Variants in RDH12 observed in about 807,000 individuals in gnomAD.
The protein encoded by RDH12 is retinol dehydrogenase 12.
A neutral mutation model predicts 34.0 loss-of-function variants in RDH12; 21 were observed. That is an observed-to-expected ratio of 0.62 (90% confidence interval 0.44 to 0.89). RDH12 has a LOEUF of 0.89. Ranked by LOEUF, RDH12 falls within the 40% of genes least tolerant of loss-of-function variation. The pLI is 0.00. For synonymous variants in RDH12, 198 were observed against 169.9 expected (o/e 1.17, Z -1.29); for missense variants, 394 against 398.6 (o/e 0.99, Z 0.10).
At chr14:67,724,375 CTTT>C in intron 3 of RDH12, 95 bp from the exon 4 acceptor site, 1 of 925,706 alleles carries the variant, frequency 1.1e-6, no homozygotes, top group Middle Eastern at 2.2e-4. Context: ...AGATACCCTT[CTTT>C]GAGGCTGGAT....
intron 1 of RDH12, among the ~76,000 whole-genome samples, chr14:67,713,056 T>C (rs2038027758): frequency 6.6e-6 from 1 of 151,938 alleles, no homozygotes; most frequent in Non-Finnish European, 1.5e-5. Context: ...GGAAAAAGAC[T>C]GAAACAACAA....
chr14:67,729,352 C>G lies in RDH12; in HGVS notation c.820C>G (p.Leu274Val). The G allele has an allele frequency of 1.9e-6, 3 of 1,598,168 alleles. No homozygotes were observed. Among genetic ancestry groups the G allele is most frequent in the Non-Finnish European group, 2.5e-6 (3 of 1,179,804 alleles). The change falls in exon 8 of 9, where the codon CTG becomes GTG. Residue 274 changes from leucine (L) to valine (V), a missense_variant. Transcript: ENST00000551171. ...CCTGCACTGCGCCCTGGCTGAGGGC[C>G]TGGAGCCCCTGAGTGGCAAGTACTT... Reference protein sequence around the residue: ...TSLHCALAEGLEPLSGKYFSD... With the variant: ...TSLHCALAEGVEPLSGKYFSD...
rs146653515 is a variant in RDH12 at position 67,727,166 on chromosome 14, C to G, written c.634C>G (p.Arg212Gly). Residue 212 changes from arginine (R) to glycine (G), a missense_variant, in exon 7 of 9, where the codon CGT becomes GGT. Arg to Gly is a moderately radical substitution (Grantham distance 125). Coordinates refer to ENST00000551171, the MANE Select transcript of RDH12 (RefSeq NM_152443.3). ...CAAGCTGGCCAATGTGCTTTTTACT[C>G]GTGAGCTGGCCAAGAGGCTCCAAGG... ...HSKLANVLFT[R>G]ELAKRLQGTG... The G allele has an allele frequency of 2.5e-6, 4 of 1,613,562 alleles. No individual in the cohort carries two copies. Among genetic ancestry groups the G allele is most frequent in the African/African-American group, 1.3e-5 (1 of 75,040 alleles).
In RDH12 at chr14:67,729,257, CCCTGCTCTG is replaced by C; in HGVS notation, c.735_743del (p.Cys245_Leu247del). On this transcript the variant is annotated inframe_deletion, in exon 8 of 9. Coordinates refer to ENST00000551171, the MANE Select transcript of RDH12 (RefSeq NM_152443.3). The stretch of plus-strand genomic sequence containing the variant: ...CGCTCTGAGCTGGTCCGGCACTCCT[CCCTGCTCTG>C]CCTGCTCTGGCGGCTCTTCTCCCCC... 1.1e-5 allele frequency: 18 copies of C among 1,608,970 alleles called. No homozygotes were observed. The highest frequency in any genetic ancestry group is 1.5e-5 in the Non-Finnish European group (18 of 1,179,984).
intron 1 of RDH12, among the ~76,000 whole-genome samples, chr14:67,718,221 C>A (rs2038087893): frequency 6.6e-6 from 1 of 152,094 alleles, no homozygotes; most frequent in Admixed American, 6.6e-5. Context: ...GCAGGGCTTG[C>A]AGTAGAAAGA....
At position 67,711,245 on chromosome 14, in the gene RDH12, G is replaced by C. The variant is rs112477245; in HGVS notation, c.-275+9310G>C. ...ATTTATTAAAGATTACACAAGCAGA[G>C]ATCATTCTGTTTTGGTCTGAGTTTA... On this transcript the variant is annotated intron_variant, in intron 1 of 8. Coordinates refer to ENST00000551171, the MANE Select transcript of RDH12 (RefSeq NM_152443.3). Among the ~76,000 whole-genome samples, 798 of 152,268 alleles carry C rather than the reference G, an allele frequency of 5.2e-3. 6 individuals carry two copies. The highest frequency in any genetic ancestry group is 0.013 in the African/African-American group (540 of 41,560).
At chr14:67,716,850 C>T (rs1194033998) in intron 1 of RDH12, among the ~76,000 whole-genome samples, 1 of 149,816 alleles carries the variant, frequency 6.7e-6, no homozygotes, top group East Asian at 1.9e-4. Flanking sequence ...CACCACTGCA[C>T]TCCAGCCTGA....
At chr14:67,733,135 A>T (rs1325131378) in intron 8 of RDH12, among the ~76,000 whole-genome samples, 2 of 37,296 alleles carry the variant, frequency 5.4e-5, no homozygotes, top group Non-Finnish European at 2.1e-4. Flanking sequence ...AATAAAATTA[A>T]AAAAAACAAA....
In RDH12 at chr14:67,729,357, G is replaced by C. The variant is rs376224342; in HGVS notation, c.825G>C (p.Glu275Asp). ...SLHCALAEGL[E>D]PLSGKYFSDC... The stretch of plus-strand genomic sequence containing the variant: ...ACTGCGCCCTGGCTGAGGGCCTGGA[G>C]CCCCTGAGTGGCAAGTACTTCAGGT... Residue 275 changes from glutamate (E) to aspartate (D), a missense_variant, in exon 8 of 9, where the codon GAG (glutamate) becomes GAC (aspartate). Coordinates refer to ENST00000551171, the MANE Select transcript of RDH12 (RefSeq NM_152443.3). The C allele has an allele frequency of 1.9e-6, 3 of 1,597,886 alleles. No individual in the cohort carries two copies. Among genetic ancestry groups the C allele is most frequent in the Non-Finnish European group, 2.5e-6 (3 of 1,179,814 alleles).
intron 8 of RDH12, among the ~76,000 whole-genome samples, chr14:67,733,033 C>T (rs987355653): frequency 3.3e-5 from 5 of 152,000 alleles, no homozygotes; most frequent in Non-Finnish European, 7.4e-5. Flanking sequence ...ATGACGAGTT[C>T]ATGGGTGCAG....
At chr14:67,724,223 C>T (rs1475642020) in intron 3 of RDH12, among the ~76,000 whole-genome samples, 1 of 152,198 alleles carries the variant, frequency 6.6e-6, no homozygotes, top group Non-Finnish European at 1.5e-5. Context: ...CCAGCATTTA[C>T]TCTGTTTGCT....
intron 1 of RDH12, among the ~76,000 whole-genome samples, chr14:67,717,133 T>C (rs1487349338): frequency 1.3e-5 from 2 of 152,184 alleles, no homozygotes; most frequent in African/African-American, 4.8e-5. Context: ...TCAATATTTA[T>C]TTAGTTTTTT....
At chr14:67,705,190 A>G (rs2037938333) in intron 1 of RDH12, among the ~76,000 whole-genome samples, 1 of 152,222 alleles carries the variant, frequency 6.6e-6, no homozygotes, top group South Asian at 2.1e-4. Context: ...GTTTAGAAGA[A>G]GGGATGGAGA....
chr14:67,733,951 G>GC lies in RDH12; in HGVS notation c.*104dup. ...AGGATTGTCCTCTTGGCCAGCTGGT[G>GC]CTGCGAATCCTGCCTGCTCTGATCC... On this transcript the variant is annotated 3_prime_UTR_variant, in exon 9 of 9. Transcript: ENST00000551171. 1.2e-6 allele frequency: 1 copy of GC among 818,846 alleles called. No individual in the cohort carries two copies. The highest frequency in any genetic ancestry group is 2.0e-5 in the Admixed American group (1 of 50,340). 50.7% of individuals were successfully genotyped at this position (818,846 alleles called of 1,614,324 possible).
At chr14:67,707,995 C>T (rs1397825632) in intron 1 of RDH12, among the ~76,000 whole-genome samples, 12 of 152,164 alleles carry the variant, frequency 7.9e-5, no homozygotes, top group Admixed American at 7.9e-4. Context: ...GATAAAATAA[C>T]CAGTTTCTCC....
At chr14:67,709,946 GAT>G (rs2037992181) in intron 1 of RDH12, among the ~76,000 whole-genome samples, 1 of 152,218 alleles carries the variant, frequency 6.6e-6, no homozygotes, top group Non-Finnish European at 1.5e-5. Context: ...TGCTCACTGA[GAT>G]AGATACATAT....
At chr14:67,711,443 C>T (rs1594859984) in intron 1 of RDH12, among the ~76,000 whole-genome samples, 1 of 152,174 alleles carries the variant, frequency 6.6e-6, no homozygotes, top group African/African-American at 2.4e-5. Flanking sequence ...AAATATTTTA[C>T]TTAAGTTACA....
chr14:67,726,089 G>A lies in RDH12; in HGVS notation c.382G>A (p.Val128Ile), dbSNP rs759223827. Residue 128 changes from valine to isoleucine, a missense_variant, in exon 6 of 9, where the codon GTA becomes ATA. Transcript: ENST00000551171. Reference sequence around the variant, plus strand: ...CCATATTCTGATCAACAATGCGGGAGTAATGATGTGTCCATATTCCAAGAC... The same window carrying A: ...CCATATTCTGATCAACAATGCGGGAATAATGATGTGTCCATATTCCAAGAC... ...QLHILINNAG[V>I]MMCPYSKTAD... 8 of 1,614,076 alleles carry A rather than the reference G, an allele frequency of 5.0e-6. No homozygotes were observed. In the East Asian group the frequency reaches 1.8e-4, roughly 36 times the overall value.
chr14:67,728,657 C>T (rs1686625965), intron 7 of RDH12, among the ~76,000 whole-genome samples: 1 of 149,266 alleles, frequency 6.7e-6, no homozygotes, highest in Non-Finnish European at 1.5e-5. Flanking sequence ...ATGGCCCTGG[C>T]ACATAATTGG....
Sources: allele counts gnomAD v4.1 joint callset (sites outside exome capture counted in the v4.1 genomes callset), GRCh38; gene constraint gnomAD v4.1.1; transcripts MANE v1.5; gene names NCBI Gene and HGNC (gene_info 2026-07-23, HGNC 2026-07-21).